NRXN3: variants seen among roughly 807,000 people sequenced by gnomAD.
NRXN3 encodes neurexin III.
In NRXN3, 32 loss-of-function variants were observed where a neutral mutation model predicts 137.6. The ratio of observed to expected loss-of-function variants is 0.23; its 90% confidence interval spans 0.18 to 0.31. The LOEUF (loss-of-function observed/expected upper bound fraction) is 0.31. Among genes scored for constraint, NRXN3 ranks in the 10% least tolerant of loss-of-function variants. The pLI is 1.00. For synonymous variants in NRXN3, 798 were observed against 784.5 expected, an observed-to-expected ratio of 1.02 and a Z score of -0.29; for missense variants, 1,574 against 2,062.5, an observed-to-expected ratio of 0.76 and a Z score of 4.59.
intron 10 of NRXN3, among the ~76,000 whole-genome samples, chr14:78,870,346 T>C (rs1392151083): frequency 1.3e-5 from 2 of 152,336 alleles, no homozygotes; most frequent in South Asian, 2.1e-4. Context: ...CATGGATAGA[T>C]CATCCTTTGT....
At chr14:78,799,499 T>G (rs2098832257) in intron 8 of NRXN3, among the ~76,000 whole-genome samples, 1 of 152,192 alleles carries the variant, frequency 6.6e-6, no homozygotes, top group Non-Finnish European at 1.5e-5. Flanking sequence ...TGTTTTTCTG[T>G]CTTTTCCTGA....
chr14:78,735,294 C>T (rs2098536535), intron 8 of NRXN3, among the ~76,000 whole-genome samples: 1 of 152,106 alleles, frequency 6.6e-6, no homozygotes, highest in Non-Finnish European at 1.5e-5. Context: ...GCAAACATCT[C>T]AATATCAAAC....
chr14:79,093,328 C>G (rs563803052), intron 15 of NRXN3, among the ~76,000 whole-genome samples: 3 of 152,070 alleles, frequency 2.0e-5, no homozygotes, highest in African/African-American at 7.2e-5. Flanking sequence ...ACCCAGAAAA[C>G]GTAAGTAAGG....
intron 15 of NRXN3, among the ~76,000 whole-genome samples, chr14:79,207,026 C>A (rs537163418): frequency 1.3e-5 from 2 of 152,158 alleles, no homozygotes; most frequent in Non-Finnish European, 2.9e-5. Context: ...GGGGCGATGT[C>A]CCCCAGCACA....
chr14:79,681,444 G>A (rs1567873356), intron 17 of NRXN3, among the ~76,000 whole-genome samples: 1 of 152,030 alleles, frequency 6.6e-6, no homozygotes, highest in Non-Finnish European at 1.5e-5. Context: ...TGATCTTGAT[G>A]GCCTCATGTA....
chr14:78,859,891 C>A (rs541746479), intron 10 of NRXN3, among the ~76,000 whole-genome samples: 2 of 152,228 alleles, frequency 1.3e-5, no homozygotes, highest in Admixed American at 1.3e-4. Context: ...ATCCTCTCCC[C>A]TCCATCAGTG....
chr14:78,255,630 G>A (rs1260597174), intron 2 of NRXN3, among the ~76,000 whole-genome samples: 1 of 152,188 alleles, frequency 6.6e-6, no homozygotes, highest in Non-Finnish European at 1.5e-5. Context: ...ATGTGAGGAG[G>A]TATTCTCTTT....
At chr14:79,635,918 C>T (rs1027901223) in intron 16 of NRXN3, among the ~76,000 whole-genome samples, 1 of 152,080 alleles carries the variant, frequency 6.6e-6, no homozygotes, top group African/African-American at 2.4e-5. Flanking sequence ...CATGAGATCT[C>T]ATGAGAACTC....
chr14:79,813,581 C>G (rs2140898372), intron 20 of NRXN3, among the ~76,000 whole-genome samples: 1 of 152,050 alleles, frequency 6.6e-6, no homozygotes, highest in Middle Eastern at 3.4e-3. Flanking sequence ...CTTTTCTTGC[C>G]ATCCTAATCT....
chr14:79,440,748 T>A lies in NRXN3; in HGVS notation c.3263-26473T>A, dbSNP rs200269694. 2.0e-4 allele frequency among the ~76,000 whole-genome samples: 30 copies of A among 152,042 alleles called. No homozygotes were observed. In the East Asian group the frequency reaches 2.1e-3, roughly 11 times the overall value. ...AAACGACCACACTTTCAAAAAAAAA[T>A]TTTTTTTAATTCTAGAGACCAGCAT... On this transcript the variant is annotated intron_variant, in intron 15 of 20. Transcript: ENST00000335750.
In NRXN3 at chr14:78,186,722, C is replaced by T. The variant is rs150881949; in HGVS notation, c.-704+16048C>T. On this transcript the variant is annotated intron_variant, in intron 1 of 20. Coordinates refer to ENST00000335750, the MANE Select transcript of NRXN3 (RefSeq NM_001330195.2). ...GCTTTTCTGACTTGGTGATTTTCCT[C>T]CTGTGTGTGGATCTGTTGGGGTGGC... Among the ~76,000 whole-genome samples the T allele has an allele frequency of 7.2e-5, 11 of 152,216 alleles. No individual in the cohort carries two copies. In the East Asian group the frequency reaches 1.9e-3, roughly 27 times the overall value.
chr14:78,305,691 G>A (rs2077299391), intron 4 of NRXN3, among the ~76,000 whole-genome samples: 1 of 152,088 alleles, frequency 6.6e-6, no homozygotes, highest in African/African-American at 2.4e-5. Context: ...CTTTACTAAT[G>A]CCAGCTACTA....
intron 20 of NRXN3, chr14:79,854,071 C>A (rs55701973): frequency 1.0e-5 from 10 of 984,210 alleles, no homozygotes; most frequent in South Asian, 9.4e-5. Context: ...AAAAATTAGA[C>A]ATTTTGCTCA....
At chr14:79,773,575 C>A (rs955373289) in intron 19 of NRXN3, among the ~76,000 whole-genome samples, 19 of 133,748 alleles carry the variant, frequency 1.4e-4, no homozygotes, top group African/African-American at 5.2e-4. Flanking sequence ...GGGAATTGAA[C>A]AATGAGAACA....
At chr14:78,502,297 C>A (rs1326256050) in intron 4 of NRXN3, among the ~76,000 whole-genome samples, 1 of 152,188 alleles carries the variant, frequency 6.6e-6, no homozygotes, top group Non-Finnish European at 1.5e-5. Context: ...TGCTACCTAG[C>A]AATAGCTTTG....
chr14:79,504,653 ATG>A (rs1480393281), intron 16 of NRXN3, among the ~76,000 whole-genome samples: 3,438 of 110,956 alleles, frequency 0.031, 202 homozygotes, highest in Middle Eastern at 0.098. Context: ...ATATATATAT[ATG>A]TATATATATA....
intron 4 of NRXN3, among the ~76,000 whole-genome samples, chr14:78,352,200 G>A (rs2083628169): frequency 6.6e-6 from 1 of 151,850 alleles, no homozygotes; most frequent in South Asian, 2.1e-4. Flanking sequence ...ATATTTTTGT[G>A]TGTGGTGCAA....
At chr14:79,175,351 T>C (rs564733077) in intron 15 of NRXN3, among the ~76,000 whole-genome samples, 4 of 152,100 alleles carry the variant, frequency 2.6e-5, no homozygotes, top group Non-Finnish European at 5.9e-5. Flanking sequence ...ACAAGATCAG[T>C]GTGGGATAAA....
chr14:79,567,240 T>C (rs149865184), intron 16 of NRXN3, among the ~76,000 whole-genome samples: 146 of 152,098 alleles, frequency 9.6e-4, no homozygotes, highest in Non-Finnish European at 1.6e-3. Flanking sequence ...TGTGTTCAAA[T>C]TGACATGAAT....
Sources: gnomAD v4.1 joint callset for allele counts (sites outside exome capture counted in the v4.1 genomes callset) on GRCh38, gnomAD v4.1.1 for gene constraint, MANE v1.5 for transcripts, NCBI Gene and HGNC (gene_info 2026-07-23, HGNC 2026-07-21) for gene names.